Variants in DNAJC5B observed in about 807,000 individuals in gnomAD.
The protein encoded by DNAJC5B is dnaJ homolog subfamily C member 5B.
In DNAJC5B, 23 loss-of-function variants were observed where a neutral mutation model predicts 24.7. The ratio of observed to expected loss-of-function variants is 0.93; its 90% CI spans 0.67 to 1.32. The LOEUF is 1.32. Ranked by LOEUF, DNAJC5B falls within the 40% of genes most tolerant of loss-of-function variation. The pLI, the probability that DNAJC5B is intolerant of heterozygous loss-of-function variation, is 0.00. For missense variants in DNAJC5B, 238 were observed against 240.8 expected, an observed-to-expected ratio of 0.99 and a Z score of 0.08; for synonymous variants, 101 against 90.1, an observed-to-expected ratio of 1.12 and a Z score of -0.68.
chr8:66,031,630 T>C (rs1215256701), intron 1 of DNAJC5B, among the ~76,000 whole-genome samples: 1 of 152,198 alleles, frequency 6.6e-6, no homozygotes, highest in Non-Finnish European at 1.5e-5. Context: ...TCAGCATGCC[T>C]GAGACCCAGG....
chr8:66,087,863 G>A (rs1259690647), intron 5 of DNAJC5B, among the ~76,000 whole-genome samples: 1 of 152,290 alleles, frequency 6.6e-6, no homozygotes, highest in Non-Finnish European at 1.5e-5. Flanking sequence ...TTCCCAGCTG[G>A]CATTGAGTGC....
chr8:66,032,683 T>C (rs1806384650), intron 1 of DNAJC5B, among the ~76,000 whole-genome samples: 2 of 152,188 alleles, frequency 1.3e-5, no homozygotes, highest in East Asian at 1.9e-4. Flanking sequence ...CTGCTTAAAA[T>C]GTGCATGAAT....
chr8:66,051,661 C>T lies in DNAJC5B; in HGVS notation c.114C>T (p.Thr38=), dbSNP rs1481070745. ...CATCAAATGAAGAAATTAAGAAAACCTACAGGTACGGATTTCAATGGTGAC... is the reference window on the plus strand; with the variant it reads ...CATCAAATGAAGAAATTAAGAAAACTTACAGGTACGGATTTCAATGGTGAC... ...KGASNEEIKK[T]YRKLALKHHP... Residue 38 remains threonine, a synonymous_variant, in exon 3 of 6, where the codon ACC becomes ACT. Transcript: ENST00000276570. 2 of 1,606,832 alleles carry T rather than the reference C, an allele frequency of 1.2e-6. No individual in the cohort carries two copies. Among genetic ancestry groups the T allele is most frequent in the Non-Finnish European group, 8.5e-7 (1 of 1,175,982 alleles).
At chr8:66,015,191 C>T in the DNAJC5B span, among the ~76,000 whole-genome samples, 1 of 151,956 alleles carries the variant, frequency 6.6e-6, no homozygotes, top group Non-Finnish European at 1.5e-5. Context: ...CATTAAAATG[C>T]TGCAAACAGT....
chr8:66,095,099 G>C (rs926810755), intron 5 of DNAJC5B, among the ~76,000 whole-genome samples: 1 of 152,026 alleles, frequency 6.6e-6, no homozygotes, highest in Non-Finnish European at 1.5e-5. Flanking sequence ...TTTGTATCAA[G>C]ATTATGCCTC....
chr8:66,062,447 G>A (rs1167540460), intron 3 of DNAJC5B, among the ~76,000 whole-genome samples: 1 of 152,216 alleles, frequency 6.6e-6, no homozygotes, highest in Non-Finnish European at 1.5e-5. Context: ...ATGCAATTTA[G>A]AGAATGTGTC....
At chr8:66,018,387 G>C (rs572655337), upstream of DNAJC5B, among the ~76,000 whole-genome samples, 1,126 of 152,202 alleles carry the variant, frequency 7.4e-3, 24 homozygotes, top group African/African-American at 0.026. Flanking sequence ...GCGTGGTGGG[G>C]GGGGTGCCTG....
chr8:66,053,642 T>TG (rs1436433691), intron 3 of DNAJC5B, among the ~76,000 whole-genome samples: 1 of 152,076 alleles, frequency 6.6e-6, no homozygotes, highest in Non-Finnish European at 1.5e-5. Flanking sequence ...TTTTTTTTTT[T>TG]TTTTGAGATA....
chr8:66,033,603 C>T (rs1012766829), intron 1 of DNAJC5B, among the ~76,000 whole-genome samples: 4 of 152,036 alleles, frequency 2.6e-5, no homozygotes, highest in Non-Finnish European at 5.9e-5. Context: ...GCTCTGCTCC[C>T]GAGCTGTGAA....
intron 5 of DNAJC5B, among the ~76,000 whole-genome samples, chr8:66,097,262 C>T (rs1807974364): frequency 6.8e-6 from 1 of 146,966 alleles, no homozygotes; most frequent in African/African-American, 2.5e-5. Flanking sequence ...TCCTTCTGTC[C>T]TCTGATTTGG....
At chr8:66,098,505 A>T (rs1424965241) in intron 5 of DNAJC5B, among the ~76,000 whole-genome samples, 2 of 152,210 alleles carry the variant, frequency 1.3e-5, no homozygotes, top group Admixed American at 6.5e-5. Flanking sequence ...TCTTTAATTT[A>T]TCCTGGCTTG....
At chr8:66,080,318 G>C in intron 4 of DNAJC5B, 59 bp from the exon 5 acceptor site, 1 of 1,567,414 alleles carries the variant, frequency 6.4e-7, no homozygotes, top group Non-Finnish European at 8.6e-7. Flanking sequence ...TGATTTCATG[G>C]GTTCTCCCCT....
intron 5 of DNAJC5B, among the ~76,000 whole-genome samples, chr8:66,090,251 A>ATGTG (rs147978582): frequency 0.072 from 10,390 of 145,274 alleles, 428 homozygotes; most frequent in South Asian, 0.13. Context: ...GCGTGCAGGC[A>ATGTG]TGTGTGTGTG....
intron 3 of DNAJC5B, among the ~76,000 whole-genome samples, chr8:66,067,826 T>A (rs570049646): frequency 1.6e-4 from 24 of 152,282 alleles, no homozygotes; most frequent in Non-Finnish European, 2.9e-4. Context: ...CCTCAACCAA[T>A]GCCAAGCAGA....
chr8:66,033,004 C>T (rs1035486745), intron 1 of DNAJC5B, among the ~76,000 whole-genome samples: 5 of 152,228 alleles, frequency 3.3e-5, no homozygotes, highest in African/African-American at 1.2e-4. Flanking sequence ...CAGCAAAACT[C>T]TCATTTTGCA....
chr8:66,027,729 T>C (rs961934977), intron 1 of DNAJC5B, among the ~76,000 whole-genome samples: 3 of 152,156 alleles, frequency 2.0e-5, no homozygotes, highest in African/African-American at 7.2e-5. Context: ...TTAGGATATG[T>C]TCCTCTGCAT....
intron 1 of DNAJC5B, among the ~76,000 whole-genome samples, chr8:66,031,365 A>C (rs555341148): frequency 2.2e-4 from 33 of 152,292 alleles, no homozygotes; most frequent in Non-Finnish European, 3.7e-4. Flanking sequence ...CCTACCTCTT[A>C]AACAACATAA....
chr8:66,033,065 A>G (rs968731278), intron 1 of DNAJC5B, among the ~76,000 whole-genome samples: 14 of 152,214 alleles, frequency 9.2e-5, no homozygotes, highest in Non-Finnish European at 1.6e-4. Context: ...AAGTTCACAC[A>G]GTTAGAAGCC....
At chr8:66,060,158 T>C (rs1159753454) in intron 3 of DNAJC5B, among the ~76,000 whole-genome samples, 2 of 152,218 alleles carry the variant, frequency 1.3e-5, no homozygotes, top group African/African-American at 2.4e-5. Context: ...CCCAGACACA[T>C]GCTCAGGGGG....
Sources: allele counts gnomAD v4.1 joint callset (sites outside exome capture counted in the v4.1 genomes callset), GRCh38; gene constraint gnomAD v4.1.1; transcripts MANE v1.5; gene names NCBI Gene and HGNC (gene_info 2026-07-23, HGNC 2026-07-21).